KCNT1: variants seen among roughly 807,000 people sequenced by gnomAD.
KCNT1 encodes the protein potassium sodium-activated channel subfamily T member 1, also known as potassium channel subfamily T member 1.
KCNT1 carries 78 observed loss-of-function variants against 147.8 expected under a neutral mutation model. The observed-to-expected ratio is 0.53, with a 90% CI of 0.44 to 0.64. The LOEUF (loss-of-function observed/expected upper bound fraction) is 0.64, where lower values mean the gene tolerates loss of function less well. Ranked by LOEUF, KCNT1 falls within the 30% of genes least tolerant of loss-of-function variation. KCNT1 has a pLI of 0.00. For synonymous variants in KCNT1, 867 were observed against 748.8 expected (o/e 1.16, Z -2.58); for missense variants, 1,419 against 1,750.3 (o/e 0.81, Z 3.38).
intron 13 of KCNT1, among the ~76,000 whole-genome samples, chr9:135,768,248 G>GT (rs1193176634): frequency 2.5e-5 from 1 of 39,676 alleles, no homozygotes; most frequent in East Asian, 4.9e-4. Context: ...TGCGGGGGGG[G>GT]GGGGGGGGGC....
chr9:135,763,212 C>A (rs531002401), intron 11 of KCNT1, among the ~76,000 whole-genome samples: 1 of 141,082 alleles, frequency 7.1e-6, no homozygotes, highest in Non-Finnish European at 1.6e-5. Context: ...GCCGCTGACC[C>A]CACCGTCTAA....
intron 29 of KCNT1, among the ~76,000 whole-genome samples, chr9:135,788,729 G>GC (rs566709517): frequency 6.5e-4 from 99 of 152,300 alleles, no homozygotes; most frequent in Non-Finnish European, 1.2e-3. Flanking sequence ...TCGTCCCCCA[G>GC]CTGGGGCTCC....
chr9:135,785,834 T>C (rs1834002373), intron 28 of KCNT1: 1 of 427,590 alleles, frequency 2.3e-6, no homozygotes, highest in Non-Finnish European at 4.2e-6. Context: ...GGGGGTGACC[T>C]CTCAGGGCAA....
chr9:135,756,905 G>A lies in KCNT1; in HGVS notation c.573G>A (p.Thr191=), dbSNP rs375310989. 1.1e-5 allele frequency: 18 copies of A among 1,613,176 alleles called. No homozygotes were observed. The highest frequency in any genetic ancestry group is 1.4e-5 in the Non-Finnish European group (17 of 1,179,940). ...TGGCCATAATAAGCTTCCTGGAGAC[G>A]ATGCTTCTCATCTACCTCAGCTACA... ...VIVAIISFLE[T]MLLIYLSYKG... is the part of the protein sequence containing the mutation. Residue 191 remains threonine (T), a synonymous_variant, in exon 7 of 31, where the codon ACG becomes ACA. Transcript: ENST00000371757.
intron 2 of KCNT1, among the ~76,000 whole-genome samples, chr9:135,735,862 G>A (rs898357257): frequency 5.3e-5 from 8 of 152,212 alleles, no homozygotes; most frequent in Admixed American, 3.9e-4. Context: ...TGGGCCTCCC[G>A]GTGCCAATAC....
intron 19 of KCNT1, 141 bp downstream of exon 19, chr9:135,773,090 CAAATG>C (rs1043839920): frequency 1.6e-5 from 9 of 568,210 alleles, no homozygotes; most frequent in Non-Finnish European, 2.6e-5. Flanking sequence ...CCTTGTTTGA[CAAATG>C]AAATCTTCAG....
intron 2 of KCNT1, among the ~76,000 whole-genome samples, chr9:135,728,541 C>G (rs1444714740): frequency 6.6e-6 from 1 of 152,216 alleles, no homozygotes. Flanking sequence ...GACTCACGCC[C>G]TGTTCCGGGG....
In KCNT1 at chr9:135,774,366, CTG is replaced by C. The variant is rs776529873; in HGVS notation, c.2244-937_2244-936del. Among the ~76,000 whole-genome samples, 77 of 109,884 alleles carry C rather than the reference CTG, an allele frequency of 7.0e-4. 1 individual carries two copies. The highest frequency in any genetic ancestry group is 2.7e-4 in the Non-Finnish European group (15 of 55,314). The allele number at this position is 109,884 out of a possible 152,430, so 72.1% of individuals were successfully genotyped here. A position where few individuals can be genotyped will look rare whatever the true frequency, so the allele number is the denominator to read the frequency against. ...TGTCCGTGTGTGGTGCGTGTTGTGT[CTG>C]TGTGTGGTGTGTGTTGCGTATGTTG... On this transcript the variant is annotated intron_variant, in intron 19 of 30. Coordinates refer to ENST00000371757, the MANE Select transcript of KCNT1 (RefSeq NM_020822.3).
chr9:135,786,806 C>T (rs1052883869), intron 29 of KCNT1, among the ~76,000 whole-genome samples: 13 of 152,206 alleles, frequency 8.5e-5, no homozygotes, highest in South Asian at 2.1e-4. Flanking sequence ...GTGTGAGCCC[C>T]GTAGGGAGGT....
In KCNT1 at chr9:135,786,201, A is replaced by G. The variant is rs1834034589; in HGVS notation, c.3182A>G (p.Gln1061Arg). 8 of 1,575,572 alleles carry G rather than the reference A, an allele frequency of 5.1e-6. No homozygotes were observed. Among genetic ancestry groups the G allele is most frequent in the Non-Finnish European group, 7.0e-6 (8 of 1,150,446 alleles). The change falls in exon 29 of 31, where the codon CAG becomes CGG. Residue 1061 changes from glutamine to arginine, a missense_variant. Gln to Arg is a conservative substitution (Grantham distance 43, BLOSUM62 1). Transcript: ENST00000371757. Reference protein sequence around the residue: ...SEPHDLRAQSQISVNVEDCED... With the variant: ...SEPHDLRAQSRISVNVEDCED... ...GCCCTGCCCTGCCCTGCCCAGTCCC[A>G]GATCTCGGTGAACGTGGAGGACTGT...
intron 11 of KCNT1, among the ~76,000 whole-genome samples, chr9:135,760,539 C>T (rs1419187191): frequency 6.6e-6 from 1 of 152,182 alleles, no homozygotes; most frequent in African/African-American, 2.4e-5. Context: ...TGGCCAGGGC[C>T]TTCTGGGAGA....
chr9:135,781,814 G>A (rs1040812457), intron 24 of KCNT1, among the ~76,000 whole-genome samples: 1 of 152,136 alleles, frequency 6.6e-6, no homozygotes, highest in Non-Finnish European at 1.5e-5. Flanking sequence ...CAGGTGCAGC[G>A]GCTCATGCCT....
intron 12 of KCNT1, 138 bp from the exon 13 acceptor site, chr9:135,765,486 T>C: frequency 9.7e-7 from 1 of 1,035,426 alleles, no homozygotes; most frequent in Non-Finnish European, 1.4e-6. Flanking sequence ...GGGCCCCTCT[T>C]TTCCCTCCCA....
chr9:135,723,567 G>A (rs1461536197), intron 2 of KCNT1, among the ~76,000 whole-genome samples: 1 of 152,188 alleles, frequency 6.6e-6, no homozygotes, highest in Non-Finnish European at 1.5e-5. Context: ...CTGTGCCCAC[G>A]CGTCTGCTGC....
chr9:135,759,316 GC>G lies in KCNT1; in HGVS notation c.855-360del, dbSNP rs565088779. Among the ~76,000 whole-genome samples the G allele has an allele frequency of 1.6e-4, 25 of 152,292 alleles. No homozygotes were observed. The South Asian group carries it at 4.8e-3, about 29-fold the overall frequency. On this transcript the variant is annotated intron_variant, in intron 10 of 30. Transcript: ENST00000371757. Reference sequence around the variant, plus strand: ...CCAGGCCCACCCCTGTGTCACCCAAGCCCACGCTGATGACACAGCCCTGCAT... The same window carrying G: ...CCAGGCCCACCCCTGTGTCACCCAAGCCACGCTGATGACACAGCCCTGCAT...
intron 11 of KCNT1, among the ~76,000 whole-genome samples, chr9:135,764,788 G>GC (rs1216841424): frequency 6.6e-6 from 1 of 152,096 alleles, no homozygotes; most frequent in African/African-American, 2.4e-5. Context: ...GTCTCCAGCC[G>GC]CCCCTCCTCC....
At position 135,752,490 on chromosome 9, in the gene KCNT1, G is replaced by A; in HGVS notation, c.435-1447G>A. 2.2e-6 allele frequency: 1 copy of A among 454,648 alleles called. No homozygotes were observed. The highest frequency in any genetic ancestry group is 7.0e-5 in the East Asian group (1 of 14,374). The allele number at this position is 454,648 out of a possible 1,614,324, so 28.2% of individuals were successfully genotyped here. A position where few individuals can be genotyped will look rare whatever the true frequency, so the allele number is the denominator to read the frequency against. On this transcript the variant is annotated intron_variant, in intron 4 of 30. Coordinates refer to ENST00000371757, the MANE Select transcript of KCNT1 (RefSeq NM_020822.3). This position sits in a 1 kb window ranked among gnomAD's most constrained non-coding sequence, Gnocchi z 5.1. The stretch of plus-strand genomic sequence containing the variant: ...CCCACCCCAAGTCCCAGGGTCCCCT[G>A]GGGCTTCTGGTTTCACATCCCCACA...
At chr9:135,785,413 A>ACAC in intron 28 of KCNT1, 83 bp downstream of exon 28, 1 of 952,566 alleles carries the variant, frequency 1.0e-6, no homozygotes, top group Non-Finnish European at 1.3e-6. Flanking sequence ...GCCAGGCCCC[A>ACAC]CCCACCCACC....
chr9:135,778,838 G>A lies in KCNT1; in HGVS notation c.2729+16G>A, dbSNP rs373773787. 16 of 1,612,316 alleles carry A rather than the reference G, an allele frequency of 9.9e-6. No homozygotes were observed. The Admixed American group carries it at 1.0e-4, about 10-fold the overall frequency. ...CCATGTTCCGGTGCGTCCAGTGTCC[G>A]GGGCTCGGCTCTAAACCACCCCACA... On this transcript the variant is annotated intron_variant, in intron 23 of 30. Transcript: ENST00000371757.
Sources: gnomAD v4.1 joint callset for allele counts (sites outside exome capture counted in the v4.1 genomes callset) on GRCh38, gnomAD v4.1.1 for gene constraint, Gnocchi (gnomAD v3.1) non-coding constraint, MANE v1.5 for transcripts, NCBI Gene and HGNC (gene_info 2026-07-23, HGNC 2026-07-21) for gene names.